UNC13C: variants seen among roughly 807,000 people sequenced by gnomAD.
The protein encoded by UNC13C is unc-13 homolog C, also known as protein unc-13 homolog C.
A neutral mutation model predicts 245.4 loss-of-function variants in UNC13C; 174 were observed. The observed-to-expected ratio is 0.71, with a 90% CI of 0.63 to 0.80. UNC13C has a LOEUF of 0.80. Among genes scored for constraint, UNC13C ranks in the 30% least tolerant of loss-of-function variants. The pLI is 0.00. For synonymous variants in UNC13C, 992 were observed against 895.1 expected (o/e 1.11, Z -1.93); for missense variants, 2,829 against 2,602.9 (o/e 1.09, Z -1.89).
chr15:54,039,731 T>C (rs1291056470), intron 2 of UNC13C, among the ~76,000 whole-genome samples: 1 of 152,170 alleles, frequency 6.6e-6, no homozygotes, highest in East Asian at 1.9e-4. Flanking sequence ...ACTTCCCTCC[T>C]AGACTCTAGC....
At chr15:54,276,319 G>C (rs910811134) in intron 10 of UNC13C, among the ~76,000 whole-genome samples, 13 of 152,058 alleles carry the variant, frequency 8.5e-5, no homozygotes, top group Non-Finnish European at 1.9e-4. Flanking sequence ...CCAATAAACA[G>C]TTGAAGAAAA....
chr15:54,345,412 G>T (rs1014501399), intron 17 of UNC13C, among the ~76,000 whole-genome samples: 3 of 152,096 alleles, frequency 2.0e-5, no homozygotes, highest in Admixed American at 6.6e-5. Flanking sequence ...CATGTGGCAG[G>T]ATCCCAGATG....
At chr15:54,157,059 G>T (rs1323700285) in intron 4 of UNC13C, among the ~76,000 whole-genome samples, 1 of 152,038 alleles carries the variant, frequency 6.6e-6, no homozygotes, top group Non-Finnish European at 1.5e-5. Context: ...CTGGGATCAG[G>T]GCAAAACTGC....
At chr15:54,144,208 G>T (rs191893202) in intron 4 of UNC13C, among the ~76,000 whole-genome samples, 5 of 152,212 alleles carry the variant, frequency 3.3e-5, no homozygotes, top group African/African-American at 1.2e-4. Context: ...AATTCAAGCA[G>T]CCTCGTCTTT....
chr15:54,577,606 G>C (rs183836295), intron 30 of UNC13C, among the ~76,000 whole-genome samples: 1 of 152,090 alleles, frequency 6.6e-6, no homozygotes, highest in Non-Finnish European at 1.5e-5. Context: ...TCTCAGCCTG[G>C]CTCTGTCCTT....
At chr15:54,139,628 T>G (rs1279361193) in intron 2 of UNC13C, among the ~76,000 whole-genome samples, 3 of 152,244 alleles carry the variant, frequency 2.0e-5, no homozygotes, top group African/African-American at 7.2e-5. Context: ...ATTTTTAATA[T>G]CATTAAAATC....
Position 54,597,657 on chromosome 15 carries a change from C to T in UNC13C, c.6107-24670C>T, listed in dbSNP as rs185635348. Among the ~76,000 whole-genome samples, 161 of 152,150 alleles carry T rather than the reference C, an allele frequency of 1.1e-3. 1 individual carries two copies. The highest frequency in any genetic ancestry group is 1.5e-3 in the African/African-American group (64 of 41,484). ...CTTTTTCATAGACTGGTAACCTACA[C>T]GACACATACTAAGAACTTAAAATAT... is the stretch of plus-strand genomic sequence containing the variant. On this transcript the variant is annotated intron_variant, in intron 30 of 32. Coordinates refer to ENST00000260323, the MANE Select transcript of UNC13C (RefSeq NM_001080534.3).
intron 1 of UNC13C, among the ~76,000 whole-genome samples, chr15:53,996,938 A>T (rs1894663814): frequency 6.6e-6 from 1 of 151,980 alleles, no homozygotes; most frequent in African/African-American, 2.4e-5. Flanking sequence ...AGTACTTAAG[A>T]ATAAAGTTAC....
intron 24 of UNC13C, among the ~76,000 whole-genome samples, chr15:54,514,431 T>C (rs1422566682): frequency 6.6e-6 from 1 of 152,224 alleles, no homozygotes; most frequent in East Asian, 1.9e-4. Flanking sequence ...ACCTTATTCT[T>C]CATTTAAGAG....
rs746570721 is a variant in UNC13C, at chr15:54,338,351, T to A, written c.4585-10T>A. ...TTGCATTTGAGAAAATAAATGTCTG[T>A]CTTTGTCAGGTTCTGGAGCTGCAAA... On this transcript the variant is annotated splice_polypyrimidine_tract_variant and intron_variant, in intron 16 of 32. Coordinates refer to ENST00000260323, the MANE Select transcript of UNC13C (RefSeq NM_001080534.3). 1 of 1,597,138 alleles carries A rather than the reference T, an allele frequency of 6.3e-7. No individual in the cohort carries two copies. The highest frequency in any genetic ancestry group is 1.7e-5 in the Admixed American group (1 of 57,640).
At chr15:54,401,902 C>G (rs889937800) in intron 18 of UNC13C, among the ~76,000 whole-genome samples, 3 of 152,002 alleles carry the variant, frequency 2.0e-5, no homozygotes, top group African/African-American at 7.2e-5. Context: ...AGTCTTGTTT[C>G]TCCATTACCC....
chr15:54,017,394 G>C (rs967742521), intron 2 of UNC13C, among the ~76,000 whole-genome samples: 1 of 151,812 alleles, frequency 6.6e-6, no homozygotes, highest in African/African-American at 2.4e-5. Flanking sequence ...CTATTTCTTG[G>C]GATACAGGCC....
intron 30 of UNC13C, among the ~76,000 whole-genome samples, chr15:54,607,093 T>G (rs1899808166): frequency 6.6e-6 from 1 of 152,214 alleles, no homozygotes; most frequent in Admixed American, 6.5e-5. Flanking sequence ...TTAAAACTTT[T>G]TAAAAAATTA....
chr15:54,331,045 A>G (rs970402649), intron 14 of UNC13C, among the ~76,000 whole-genome samples: 4 of 152,054 alleles, frequency 2.6e-5, no homozygotes, highest in African/African-American at 9.7e-5. Context: ...AGCTCACTCC[A>G]TCGAGATCAG....
In UNC13C at chr15:54,099,219, C is replaced by A. The variant is rs1468778158; in HGVS notation, c.2984-43799C>A. On this transcript the variant is annotated intron_variant, in intron 2 of 32. Coordinates refer to ENST00000260323, the MANE Select transcript of UNC13C (RefSeq NM_001080534.3). ...TTCTCTGTGCCTAAGAGTGACAGAG[C>A]TTTCCAGTGTTCAGTGTAAGAGGCT... Among the ~76,000 whole-genome samples the A allele has an allele frequency of 2.0e-5, 3 of 152,172 alleles. 1 individual carries two copies. The highest frequency in any genetic ancestry group is 2.0e-4 in the Admixed American group (3 of 15,286).
At chr15:54,415,145 G>A (rs2040493298) in intron 19 of UNC13C, 78 bp downstream of exon 19, 1 of 1,061,430 alleles carries the variant, frequency 9.4e-7, no homozygotes, top group Non-Finnish European at 1.4e-6. Context: ...TTTAAATGTT[G>A]AGAATTGAAA....
At chr15:54,410,774 T>C (rs2040401415) in intron 18 of UNC13C, among the ~76,000 whole-genome samples, 1 of 152,180 alleles carries the variant, frequency 6.6e-6, no homozygotes, top group South Asian at 2.1e-4. Context: ...GTAGTATAAT[T>C]TGAAGTTAGG....
intron 10 of UNC13C, among the ~76,000 whole-genome samples, chr15:54,280,795 T>TAG (rs1452421142): frequency 6.7e-6 from 1 of 148,802 alleles, no homozygotes; most frequent in Non-Finnish European, 1.5e-5. Context: ...CATATATATA[T>TAG]ATATACTTTT....
intron 24 of UNC13C, among the ~76,000 whole-genome samples, chr15:54,523,593 A>C (rs1895319102): frequency 6.6e-6 from 1 of 152,246 alleles, no homozygotes; most frequent in African/African-American, 2.4e-5. Context: ...TTCTATAAGA[A>C]AATAGCATAA....
Sources: gnomAD v4.1 joint callset for allele counts (sites outside exome capture counted in the v4.1 genomes callset) on GRCh38, gnomAD v4.1.1 for gene constraint, MANE v1.5 for transcripts, NCBI Gene and HGNC (gene_info 2026-07-23, HGNC 2026-07-21) for gene names.